NOS1AP: variants seen among roughly 807,000 people sequenced by gnomAD.
NOS1AP encodes nitric oxide synthase 1 adaptor protein.
In NOS1AP, 21 loss-of-function variants were observed where a neutral mutation model predicts 56.2. The observed-to-expected ratio is 0.37, with a 90% CI of 0.26 to 0.54. The LOEUF (loss-of-function observed/expected upper bound fraction) is 0.54, where lower values mean the gene tolerates loss of function less well. NOS1AP is among the 20% of genes least tolerant of loss of function. The pLI, the probability that NOS1AP is intolerant of heterozygous loss-of-function variation, is 0.84. For synonymous variants in NOS1AP, 270 were observed against 274.6 expected (o/e 0.98, Z 0.17); for missense variants, 522 against 657.8 (o/e 0.79, Z 2.26).
chr1:162,213,415 C>T (rs1236453752), intron 2 of NOS1AP, among the ~76,000 whole-genome samples: 1 of 152,162 alleles, frequency 6.6e-6, no homozygotes, highest in African/African-American at 2.4e-5. Context: ...TGATCCTGTG[C>T]AGGCATTTTT....
At chr1:162,160,091 A>G (rs1325497749) in intron 2 of NOS1AP, among the ~76,000 whole-genome samples, 1 of 152,114 alleles carries the variant, frequency 6.6e-6, no homozygotes, top group East Asian at 1.9e-4. Context: ...CCTGGGAGGG[A>G]TATGCGCTGT....
In NOS1AP at chr1:162,369,853, A is replaced by G. The variant is rs1049624077; in HGVS notation, c.*2386A>G. 6.6e-6 allele frequency: 1 copy of G among 152,284 alleles called. No homozygotes were observed. Among genetic ancestry groups the G allele is most frequent in the Non-Finnish European group, 1.5e-5 (1 of 68,144 alleles). 9.4% of individuals were successfully genotyped at this position (152,284 alleles called of 1,614,324 possible). On this transcript the variant is annotated 3_prime_UTR_variant, in exon 10 of 10. Coordinates refer to ENST00000361897, the MANE Select transcript of NOS1AP (RefSeq NM_014697.3). The stretch of plus-strand genomic sequence containing the variant: ...TGTGGAGATGGGAGACAAAGGACAG[A>G]TCTAGGAGCCTTGAAGGATCACCAG...
chr1:162,358,802 G>A (rs1007358365), intron 8 of NOS1AP, among the ~76,000 whole-genome samples: 2 of 152,208 alleles, frequency 1.3e-5, no homozygotes, highest in Non-Finnish European at 2.9e-5. Flanking sequence ...CTAAGAGTGG[G>A]CTTGATGCAT....
At chr1:162,107,441 CT>C (rs748225061) in intron 1 of NOS1AP, among the ~76,000 whole-genome samples, 15 of 152,204 alleles carry the variant, frequency 9.9e-5, no homozygotes, top group Non-Finnish European at 1.9e-4. Flanking sequence ...TCAAGTGATC[CT>C]CTCACCTCAG....
intron 4 of NOS1AP, among the ~76,000 whole-genome samples, chr1:162,319,665 C>T (rs1656349123): frequency 6.6e-6 from 1 of 152,178 alleles, no homozygotes; most frequent in Non-Finnish European, 1.5e-5. Flanking sequence ...AGCAGCCCTC[C>T]CCACTGTCCT....
rs185156524 is a variant in NOS1AP, at chr1:162,315,946, G to A, written c.344+15240G>A. 3.0e-3 allele frequency among the ~76,000 whole-genome samples: 463 copies of A among 152,260 alleles called. 3 individuals are homozygous for A. The highest frequency in any genetic ancestry group is 0.011 in the African/African-American group (439 of 41,532). On this transcript the variant is annotated intron_variant, in intron 4 of 9. Coordinates refer to ENST00000361897, the MANE Select transcript of NOS1AP (RefSeq NM_014697.3). ...TCTATCATAGTTTTTAGTAGGAACT[G>A]TATCTTATCTATCTTTGGGGCTCCT...
chr1:162,214,619 A>G (rs1652495277), intron 2 of NOS1AP, among the ~76,000 whole-genome samples: 1 of 152,102 alleles, frequency 6.6e-6, no homozygotes, highest in South Asian at 2.1e-4. Flanking sequence ...TTTACTGTCA[A>G]GCTGCATATC....
At position 162,117,665 on chromosome 1, in the gene NOS1AP, AG is replaced by A. The variant is rs531430591; in HGVS notation, c.106-36734del. Among the ~76,000 whole-genome samples the A allele has an allele frequency of 3.0e-4, 45 of 152,280 alleles. 1 individual carries two copies. Among genetic ancestry groups the A allele is most frequent in the African/African-American group, 9.4e-4 (39 of 41,566 alleles). ...TATCATTGTGCTCCCTGAAATAAAA[AG>A]GGGGGCTGGTGCTCTGAAAGCACCT... On this transcript the variant is annotated intron_variant, in intron 1 of 9. Coordinates refer to ENST00000361897, the MANE Select transcript of NOS1AP (RefSeq NM_014697.3).
chr1:162,264,665 C>A (rs193041828), intron 2 of NOS1AP, among the ~76,000 whole-genome samples: 1 of 143,482 alleles, frequency 7.0e-6, no homozygotes, highest in Non-Finnish European at 1.5e-5. Flanking sequence ...TGCCACCACA[C>A]CTGGCTAATT....
chr1:162,290,470 A>C (rs143403324), intron 3 of NOS1AP, among the ~76,000 whole-genome samples: 76 of 152,292 alleles, frequency 5.0e-4, no homozygotes, highest in African/African-American at 1.7e-3. Context: ...CTGCTTATAG[A>C]ATTGAGAGAG....
chr1:162,201,015 C>T (rs1651974025), intron 2 of NOS1AP, among the ~76,000 whole-genome samples: 1 of 152,122 alleles, frequency 6.6e-6, no homozygotes. Context: ...ACATATTAAG[C>T]CTAGTACCCA....
At chr1:162,099,496 A>T (rs1303525864) in intron 1 of NOS1AP, among the ~76,000 whole-genome samples, 1 of 151,840 alleles carries the variant, frequency 6.6e-6, no homozygotes, top group East Asian at 1.9e-4. Flanking sequence ...CTACTTTTGG[A>T]CTTTTTAATA....
intron 2 of NOS1AP, among the ~76,000 whole-genome samples, chr1:162,211,907 T>C (rs529844403): frequency 2.0e-5 from 3 of 152,044 alleles, no homozygotes; most frequent in South Asian, 4.2e-4. Flanking sequence ...ACTTGTAGCT[T>C]CCCCCCACAA....
chr1:162,240,509 T>C (rs373515960), intron 2 of NOS1AP, among the ~76,000 whole-genome samples: 5 of 152,212 alleles, frequency 3.3e-5, no homozygotes, highest in Non-Finnish European at 5.9e-5. Context: ...ATTAACCACC[T>C]GGATAAGGGC....
chr1:162,289,455 G>T (rs896089173), intron 3 of NOS1AP, among the ~76,000 whole-genome samples: 3 of 134,682 alleles, frequency 2.2e-5, no homozygotes, highest in African/African-American at 8.6e-5. Context: ...CTGCCACCAC[G>T]CCCAGCTACT....
At chr1:162,235,731 G>A (rs1350680419) in intron 2 of NOS1AP, among the ~76,000 whole-genome samples, 1 of 152,210 alleles carries the variant, frequency 6.6e-6, no homozygotes, top group Non-Finnish European at 1.5e-5. Flanking sequence ...AGGTGATGGT[G>A]GTTAATTCCT....
At chr1:162,124,446 A>G (rs1438064511) in intron 1 of NOS1AP, among the ~76,000 whole-genome samples, 2 of 152,042 alleles carry the variant, frequency 1.3e-5, no homozygotes. Context: ...GGTTGCTGCA[A>G]AAGACATTAT....
intron 6 of NOS1AP, among the ~76,000 whole-genome samples, chr1:162,350,470 C>T (rs991931023): frequency 1.8e-4 from 28 of 152,200 alleles, no homozygotes; most frequent in African/African-American, 6.8e-4. Context: ...CAGGTGGAGC[C>T]ACTGCCCCTG....
intron 2 of NOS1AP, among the ~76,000 whole-genome samples, chr1:162,242,772 A>G (rs1229370873): frequency 6.6e-6 from 1 of 152,226 alleles, no homozygotes; most frequent in African/African-American, 2.4e-5. Flanking sequence ...CAGGGGATCC[A>G]CTAGAGATAG....
Sources: gnomAD v4.1 joint callset for allele counts (sites outside exome capture counted in the v4.1 genomes callset) on GRCh38, gnomAD v4.1.1 for gene constraint, MANE v1.5 for transcripts, NCBI Gene and HGNC (gene_info 2026-07-23, HGNC 2026-07-21) for gene names.